The following TSHZ2 variants were observed in gnomAD, a reference collection of about 807,000 sequenced individuals.
The protein encoded by TSHZ2 is teashirt zinc finger homeobox 2, also known as teashirt homolog 2.
Under a neutral mutation model 74.4 loss-of-function variants are expected in TSHZ2, and 21 were observed. That is an observed-to-expected ratio of 0.28 (90% CI 0.20 to 0.41). The LOEUF (loss-of-function observed/expected upper bound fraction) is 0.41, where lower values mean the gene tolerates loss of function less well. TSHZ2 is among the 10% of genes least tolerant of loss of function. The pLI is 1.00. For missense variants in TSHZ2, 1,244 were observed against 1,293.5 expected (o/e 0.96, Z 0.59); for synonymous variants, 540 against 515.3 (o/e 1.05, Z -0.65).
chr20:53,158,575 G>A (rs142770980), intron 1 of TSHZ2, among the ~76,000 whole-genome samples: 8 of 152,296 alleles, frequency 5.3e-5, no homozygotes, highest in Non-Finnish European at 8.8e-5. Context: ...AGTAAGTGGC[G>A]TGTCCTTTAA....
chr20:53,385,898 G>C (rs1348949047), intron 2 of TSHZ2, among the ~76,000 whole-genome samples: 1 of 152,226 alleles, frequency 6.6e-6, no homozygotes, highest in Non-Finnish European at 1.5e-5. Flanking sequence ...GACAAGCCTG[G>C]AGAGAAAAGT....
chr20:53,210,290 G>T (rs1989273249), intron 1 of TSHZ2, among the ~76,000 whole-genome samples: 1 of 152,240 alleles, frequency 6.6e-6, no homozygotes. Context: ...GAGCCAATGT[G>T]ACAGCTTTCT....
intron 1 of TSHZ2, among the ~76,000 whole-genome samples, chr20:53,038,311 A>G (rs1983902839): frequency 6.7e-6 from 1 of 149,824 alleles, no homozygotes; most frequent in Admixed American, 6.7e-5. Context: ...CTCCATCAAT[A>G]AGCCTTTGGG....
rs11481015 is a variant in TSHZ2 at position 53,488,835 on chromosome 20, T to TAAA, written c.*1713_*1715dup. ...TGATCCCTAAATTCAACATTGGGAT[T>TAAA]AAAAAAAAAAAAAAACTTCTTATTT... On this transcript the variant is annotated 3_prime_UTR_variant, in exon 3 of 3. Transcript: ENST00000371497. 1.2e-3 allele frequency: 352 copies of TAAA among 303,618 alleles called. No individual in the cohort carries two copies. Among genetic ancestry groups the TAAA allele is most frequent in the Non-Finnish European group, 1.5e-3 (241 of 155,654 alleles). The allele number at this position is 303,618 out of a possible 1,614,324, so 18.8% of individuals were successfully genotyped here. A position where few individuals can be genotyped will look rare whatever the true frequency, so the allele number is the denominator to read the frequency against.
intron 1 of TSHZ2, among the ~76,000 whole-genome samples, chr20:53,035,906 C>A (rs964708518): frequency 2.0e-5 from 3 of 152,100 alleles, no homozygotes; most frequent in African/African-American, 7.3e-5. Context: ...AAGACCTATT[C>A]ATAAGTGTAT....
chr20:53,470,004 T>C (rs1985749385), intron 2 of TSHZ2, among the ~76,000 whole-genome samples: 1 of 152,220 alleles, frequency 6.6e-6, no homozygotes, highest in African/African-American at 2.4e-5. Flanking sequence ...ACTCAACCGT[T>C]CTGAGGTTTG....
chr20:53,255,067 A>G lies in TSHZ2; in HGVS notation c.1609A>G (p.Ser537Gly), dbSNP rs1482259703. 10 of 1,614,062 alleles carry G rather than the reference A, an allele frequency of 6.2e-6. No individual in the cohort carries two copies. The highest frequency in any genetic ancestry group is 8.5e-6 in the Non-Finnish European group (10 of 1,180,044). Residue 537 changes from serine (S) to glycine (G), a missense_variant, in exon 2 of 3, where the codon AGC (serine) becomes GGC (glycine). Transcript: ENST00000371497. This position sits in a 1 kb window ranked among gnomAD's most constrained non-coding sequence, Gnocchi z 4.1. ...AINKAQNGAP[S>G]WSAYPSIHAA... ...CAACAAAGCCCAAAACGGGGCCCCC[A>G]GCTGGAGTGCCTACCCCAGCATCCA...
At chr20:53,066,860 C>G (rs1985007102) in intron 1 of TSHZ2, among the ~76,000 whole-genome samples, 1 of 152,184 alleles carries the variant, frequency 6.6e-6, no homozygotes, top group African/African-American at 2.4e-5. Flanking sequence ...GACTAAGGCT[C>G]CTTGTTCAGC....
At chr20:53,338,321 G>A (rs1402632557) in intron 2 of TSHZ2, among the ~76,000 whole-genome samples, 1 of 152,210 alleles carries the variant, frequency 6.6e-6, no homozygotes, top group African/African-American at 2.4e-5. Context: ...ACGTGGGATG[G>A]TGAGAACAAT....
rs1457881871 is a variant in TSHZ2 at position 53,253,868 on chromosome 20, A to G, written c.410A>G (p.Tyr137Cys). ...TACGCCAACATCCTGTCGGATTCCT[A>G]CTGGTCAGGCCTGGGCCTTGGCTTC... is the stretch of plus-strand genomic sequence containing the variant. ...AVYANILSDS[Y>C]WSGLGLGFKL... Residue 137 changes from tyrosine to cysteine, a missense_variant, in exon 2 of 3, where the codon TAC (tyrosine) becomes TGC (cysteine). By Grantham distance (194) the Tyr-to-Cys change is radical. This residue lies in a region of TSHZ2 where 470 missense variants were observed against 456.5 expected (regional missense o/e 1.03). Coordinates refer to ENST00000371497, the MANE Select transcript of TSHZ2 (RefSeq NM_173485.6). 1.2e-6 allele frequency: 2 copies of G among 1,614,084 alleles called. No homozygotes were observed. The highest frequency in any genetic ancestry group is 1.7e-6 in the Non-Finnish European group (2 of 1,180,044).
chr20:53,219,100 C>G (rs1393528685), intron 1 of TSHZ2, among the ~76,000 whole-genome samples: 3 of 152,176 alleles, frequency 2.0e-5, no homozygotes, highest in African/African-American at 7.2e-5. Flanking sequence ...TACTGTGTCT[C>G]CCCCTTGGAG....
chr20:53,195,043 G>A (rs1252800903), intron 1 of TSHZ2, among the ~76,000 whole-genome samples: 1 of 152,132 alleles, frequency 6.6e-6, no homozygotes, highest in Non-Finnish European at 1.5e-5. Context: ...CGGGAAGGTG[G>A]GGATTGGTGG....
intron 1 of TSHZ2, among the ~76,000 whole-genome samples, chr20:53,008,440 G>A (rs193245461): frequency 6.6e-6 from 1 of 152,260 alleles, no homozygotes; most frequent in Non-Finnish European, 1.5e-5. Flanking sequence ...CATTTGATAG[G>A]CTTATAATGG....
At chr20:53,308,840 G>T (rs78629676) in intron 2 of TSHZ2, among the ~76,000 whole-genome samples, 185 of 152,314 alleles carry the variant, frequency 1.2e-3, no homozygotes, top group African/African-American at 4.4e-3. Flanking sequence ...GCATTGTCGG[G>T]CAAGGTTAAA....
chr20:53,024,290 C>T (rs998818880), intron 1 of TSHZ2, among the ~76,000 whole-genome samples: 1 of 151,750 alleles, frequency 6.6e-6, no homozygotes, highest in African/African-American at 2.4e-5. Flanking sequence ...ATCATATGTT[C>T]TGCTTTTAAT....
At chr20:53,171,989 A>G (rs6097271) in intron 1 of TSHZ2, among the ~76,000 whole-genome samples, 3,402 of 152,304 alleles carry the variant, frequency 0.022, 122 homozygotes, top group African/African-American at 0.077. Flanking sequence ...AAGAACCACA[A>G]GGACATGAAG....
Position 53,255,486 on chromosome 20 carries a change from G to A in TSHZ2, c.2028G>A (p.Leu676=). ...AGCCCCTGGAGCCCACATCTGCTCTGAGCAATGGGTGCGCCCTCGCCAACC... is the reference window on the plus strand; with the variant it reads ...AGCCCCTGGAGCCCACATCTGCTCTAAGCAATGGGTGCGCCCTCGCCAACC... ...KPQPLEPTSA[L]SNGCALANHA... The change falls in exon 2 of 3, where the codon CTG becomes CTA. Residue 676 remains leucine, a synonymous_variant. Transcript: ENST00000371497. This position sits in a 1 kb window ranked among gnomAD's most constrained non-coding sequence, Gnocchi z 4.1. The A allele has an allele frequency of 6.2e-7, 1 of 1,603,090 alleles. No individual in the cohort carries two copies. Among genetic ancestry groups the A allele is most frequent in the Non-Finnish European group, 8.5e-7 (1 of 1,177,272 alleles).
intron 1 of TSHZ2, among the ~76,000 whole-genome samples, chr20:53,047,008 GAGAC>G (rs141481962): frequency 0.021 from 3,143 of 152,290 alleles, 92 homozygotes; most frequent in South Asian, 0.14. Flanking sequence ...GTGCTGGAAA[GAGAC>G]AGAGGCGTAA....
rs139552828 is a variant in TSHZ2, at chr20:53,338,857, A to G, written c.*8+82286A>G. ...TGTGAGCCTTTCCTCACAGGTTTTC[A>G]TGAGGGTCAGATGAGGCCAGCACTG... On this transcript the variant is annotated intron_variant, in intron 2 of 2. Coordinates refer to ENST00000371497, the MANE Select transcript of TSHZ2 (RefSeq NM_173485.6). Among the ~76,000 whole-genome samples, 65 of 152,262 alleles carry G rather than the reference A, an allele frequency of 4.3e-4. No individual in the cohort carries two copies. In the East Asian group the frequency reaches 5.2e-3, roughly 12 times the overall value.
Sources: gnomAD v4.1 joint callset for allele counts (sites outside exome capture counted in the v4.1 genomes callset) on GRCh38, gnomAD v4.1.1 for gene constraint, gnomAD v4.1.1 regional missense constraint, Gnocchi (gnomAD v3.1) non-coding constraint, MANE v1.5 for transcripts, NCBI Gene and HGNC (gene_info 2026-07-23, HGNC 2026-07-21) for gene names.